The following ZNF48 variants were observed in gnomAD, a reference collection of about 807,000 sequenced individuals.
The protein encoded by ZNF48 is zinc finger protein 553.
ZNF48 carries 20 observed loss-of-function variants against 40.0 expected under a neutral mutation model. That is an observed-to-expected ratio of 0.50 (90% CI 0.35 to 0.73). The LOEUF (loss-of-function observed/expected upper bound fraction) is 0.73, where lower values mean the gene tolerates loss of function less well. Among genes scored for constraint, ZNF48 ranks in the 30% least tolerant of loss-of-function variants. ZNF48 has a pLI of 0.01. For synonymous variants in ZNF48, 298 were observed against 329.7 expected, an observed-to-expected ratio of 0.90 and a Z score of 1.04; for missense variants, 726 against 851.9, an observed-to-expected ratio of 0.85 and a Z score of 1.84.
chr16:30,378,988 G>A, intron 1 of ZNF48: 1 of 1,599,426 alleles, frequency 6.3e-7, no homozygotes, highest in Non-Finnish European at 8.5e-7. Flanking sequence ...GGACCTTGGA[G>A]GCTCTGATAC....
At chr16:30,380,786 GAA>G (rs1465218255) in intron 1 of ZNF48, 2 of 305,494 alleles carry the variant, frequency 6.5e-6, no homozygotes, top group Admixed American at 4.7e-5. Flanking sequence ...AAAAGAGAGA[GAA>G]AGAGAGGCCG....
upstream of ZNF48, among the ~76,000 whole-genome samples, chr16:30,390,905 T>C (rs1435614780): frequency 6.6e-6 from 1 of 151,854 alleles, no homozygotes; most frequent in Non-Finnish European, 1.5e-5. Flanking sequence ...ATTACAGGCG[T>C]GAGCCACCGC....
At chr16:30,379,476 C>T in intron 1 of ZNF48, 1 of 1,613,868 alleles carries the variant, frequency 6.2e-7, no homozygotes, top group Admixed American at 1.7e-5. Flanking sequence ...CCTCACCGGC[C>T]GGTTCCCGCC....
At chr16:30,379,171 T>C in intron 1 of ZNF48, 1 of 1,614,084 alleles carries the variant, frequency 6.2e-7, no homozygotes, top group Non-Finnish European at 8.5e-7. Context: ...ATCGCAGTGA[T>C]GTGGGTTCTC....
At chr16:30,383,148 C>CCTG in intron 1 of ZNF48, 1 of 302,188 alleles carries the variant, frequency 3.3e-6, no homozygotes, top group Non-Finnish European at 6.3e-6. Flanking sequence ...CACCACTACA[C>CCTG]TCCAGCCTGA....
intron 1 of ZNF48, chr16:30,379,582 CTT>C: frequency 7.3e-7 from 1 of 1,369,410 alleles, no homozygotes; most frequent in African/African-American, 1.4e-5. Context: ...ACGGCAGAAA[CTT>C]TCTCTTTCCC....
chr16:30,378,737 G>C (rs770906252), intron 1 of ZNF48: 22 of 1,585,536 alleles, frequency 1.4e-5, no homozygotes, highest in Middle Eastern at 3.3e-4. Flanking sequence ...AATCAGGAGC[G>C]GGACCTGAGG....
rs1193141718 is a variant in ZNF48 at position 30,395,994 on chromosome 16, G to T, written c.79+121G>T. On this transcript the variant is annotated intron_variant, in intron 2 of 2. Coordinates refer to ENST00000613509, the MANE Select transcript of ZNF48 (RefSeq NM_001214909.2). The surrounding 1 kb of genome is among the most constrained non-coding windows in gnomAD (Gnocchi z 5.9). ...GTGAGCTGTGCCTCTGGGGAGATAG[G>T]GGGAGGGGAGCTTTCGGAGCACCAA... The T allele has an allele frequency of 3.7e-6, 4 of 1,072,060 alleles. No individual in the cohort carries two copies. In the African/African-American group the frequency reaches 6.6e-5, roughly 18 times the overall value. 66.4% of individuals were successfully genotyped at this position (1,072,060 alleles called of 1,614,324 possible). A position where few individuals can be genotyped will look rare whatever the true frequency, so the allele number is the denominator to read the frequency against.
intron 1 of ZNF48, among the ~76,000 whole-genome samples, chr16:30,387,532 G>T (rs952469594): frequency 2.7e-5 from 4 of 149,722 alleles, no homozygotes; most frequent in African/African-American, 9.8e-5. Flanking sequence ...TCCAGCCTGG[G>T]GGACAAGAGT....
intron 2 of ZNF48, among the ~76,000 whole-genome samples, chr16:30,396,511 G>A (rs1001217853): frequency 6.6e-6 from 1 of 152,038 alleles, no homozygotes; most frequent in African/African-American, 2.4e-5. Flanking sequence ...AGGGATGTGT[G>A]CCTGGGTCCT....
At chr16:30,384,930 A>G (rs1168651944) in intron 1 of ZNF48, among the ~76,000 whole-genome samples, 1 of 151,590 alleles carries the variant, frequency 6.6e-6, no homozygotes, top group African/African-American at 2.4e-5. Context: ...TAATCCCAGC[A>G]CTTTGGGAGG....
rs752139917 is a variant in ZNF48 at position 30,397,779 on chromosome 16, C to G, written c.529C>G (p.Pro177Ala). 3.1e-6 allele frequency: 5 copies of G among 1,613,628 alleles called. No individual in the cohort carries two copies. The highest frequency in any genetic ancestry group is 4.2e-6 in the Non-Finnish European group (5 of 1,179,974). The change falls in exon 3 of 3, where the codon CCC (proline) becomes GCC (alanine). Residue 177 changes from proline (P) to alanine (A), a missense_variant. Physicochemically the swap from Pro to Ala is conservative, Grantham distance 27. Coordinates refer to ENST00000613509, the MANE Select transcript of ZNF48 (RefSeq NM_001214909.2). This position sits in a 1 kb window ranked among gnomAD's most constrained non-coding sequence, Gnocchi z 4.1. ...PYRARPPAQG[P>A]PKIPRSRIPA... ...TAGAGCCCGGCCACCAGCCCAGGGT[C>G]CCCCAAAGATTCCTCGGTCCCGGAT...
intron 1 of ZNF48, chr16:30,379,377 T>C: frequency 6.6e-7 from 1 of 1,512,024 alleles, no homozygotes; most frequent in Non-Finnish European, 9.2e-7. Context: ...TGAGTGCGCC[T>C]GACCCAGAGG....
At chr16:30,394,495 G>C (rs904115066), upstream of ZNF48, 1 of 152,270 alleles carries the variant, frequency 6.6e-6, no homozygotes, top group Non-Finnish European at 1.5e-5. Flanking sequence ...ATGGGAAACA[G>C]GGCTTGTTCT....
intron 2 of ZNF48, among the ~76,000 whole-genome samples, chr16:30,396,522 C>G (rs1475981803): frequency 6.6e-6 from 1 of 152,084 alleles, no homozygotes; most frequent in Non-Finnish European, 1.5e-5. Flanking sequence ...CCTGGGTCCT[C>G]TCAGGTACAC....
upstream of ZNF48, among the ~76,000 whole-genome samples, chr16:30,393,079 T>C (rs75018315): frequency 6.9e-6 from 1 of 145,972 alleles, no homozygotes; most frequent in South Asian, 2.1e-4. Flanking sequence ...CATATAACTC[T>C]TTTTTTTTTT....
At chr16:30,379,370 G>C (rs1567423413) in intron 1 of ZNF48, 2 of 1,483,660 alleles carry the variant, frequency 1.3e-6, no homozygotes, top group East Asian at 4.5e-5. Flanking sequence ...CACATGTTGA[G>C]TGCGCCTGAC....
At chr16:30,386,925 C>A (rs1440683887) in intron 1 of ZNF48, among the ~76,000 whole-genome samples, 1 of 150,326 alleles carries the variant, frequency 6.7e-6, no homozygotes, top group Non-Finnish European at 1.5e-5. Context: ...CAGGTATGAG[C>A]CACTGCACCT....
upstream of ZNF48, among the ~76,000 whole-genome samples, chr16:30,392,085 C>T (rs920401888): frequency 5.1e-4 from 77 of 152,240 alleles, no homozygotes; most frequent in Non-Finnish European, 7.4e-5. Flanking sequence ...CGCAGTGGCG[C>T]GATCTCGGCT....
Sources: gnomAD v4.1 joint callset for allele counts (sites outside exome capture counted in the v4.1 genomes callset) on GRCh38, gnomAD v4.1.1 for gene constraint, Gnocchi (gnomAD v3.1) non-coding constraint, MANE v1.5 for transcripts, NCBI Gene and HGNC (gene_info 2026-07-23, HGNC 2026-07-21) for gene names.